EBF2: variants seen among roughly 807,000 people sequenced by gnomAD.
EBF2 encodes the protein transcription factor COE2.
Under a neutral mutation model 72.8 loss-of-function variants are expected in EBF2, and 21 were observed. That is an observed-to-expected ratio of 0.29 (90% CI 0.20 to 0.42). The LOEUF (loss-of-function observed/expected upper bound fraction) is 0.42. EBF2 is among the 10% of genes least tolerant of loss of function. The pLI is 1.00. For synonymous variants in EBF2, 299 were observed against 274.2 expected (o/e 1.09, Z -0.89); for missense variants, 637 against 731.2 (o/e 0.87, Z 1.49).
intron 5 of EBF2, among the ~76,000 whole-genome samples, chr8:26,034,215 T>G (rs1246178714): frequency 1.3e-5 from 2 of 152,338 alleles, no homozygotes; most frequent in South Asian, 2.1e-4. Context: ...TCAGATGATG[T>G]AGGAAGACCA....
chr8:26,022,538 T>C (rs1805220228), intron 6 of EBF2, among the ~76,000 whole-genome samples: 1 of 152,192 alleles, frequency 6.6e-6, no homozygotes, highest in Non-Finnish European at 1.5e-5. Flanking sequence ...TCCTGGCTAC[T>C]TAGGGGCTTT....
At chr8:26,039,010 C>T (rs1378672055) in intron 5 of EBF2, among the ~76,000 whole-genome samples, 2 of 152,102 alleles carry the variant, frequency 1.3e-5, no homozygotes, top group East Asian at 3.9e-4. Context: ...GACTTTCCCT[C>T]CAATCAAAGA....
chr8:26,029,862 C>T (rs759461908), intron 6 of EBF2, among the ~76,000 whole-genome samples: 4 of 152,188 alleles, frequency 2.6e-5, no homozygotes, highest in African/African-American at 9.6e-5. Context: ...CCCTGGATAC[C>T]GTAAGCACCA....
Position 25,841,792 on chromosome 8 carries a change from T to G in EBF2, c.*2817A>C, listed in dbSNP as rs1801748921. On this transcript the variant is annotated 3_prime_UTR_variant, in exon 16 of 16. Transcript: ENST00000520164. ...AAAGTTTAAAACTGAAGTAGACATA[T>G]TCATTTTACAAACAAGATATTCTTT... is the stretch of plus-strand genomic sequence containing the variant. 6.6e-6 allele frequency: 1 copy of G among 152,226 alleles called. No homozygotes were observed. Among genetic ancestry groups the G allele is most frequent in the South Asian group, 2.1e-4 (1 of 4,832 alleles). The allele number at this position is 152,226 out of a possible 1,614,324, so 9.4% of individuals were successfully genotyped here.
At chr8:25,882,404 G>C (rs1034794761) in intron 10 of EBF2, among the ~76,000 whole-genome samples, 1 of 152,160 alleles carries the variant, frequency 6.6e-6, no homozygotes, top group Admixed American at 6.5e-5. Context: ...CTCTATCCCA[G>C]GTGCTTTCCA....
chr8:25,988,297 A>T (rs58346229), intron 6 of EBF2, among the ~76,000 whole-genome samples: 13,743 of 152,268 alleles, frequency 0.09, 1,966 homozygotes, highest in African/African-American at 0.3. Flanking sequence ...ATTAGTCCCT[A>T]TGTCCCAGCC....
chr8:25,880,007 C>T (rs986809887), intron 10 of EBF2, among the ~76,000 whole-genome samples: 1 of 152,142 alleles, frequency 6.6e-6, no homozygotes, highest in Non-Finnish European at 1.5e-5. Flanking sequence ...GAATTTAACT[C>T]TTGATGTTCA....
Position 26,042,151 on chromosome 8 carries a change from C to A in EBF2, c.232G>T (p.Gly78Cys), listed in dbSNP as rs1159374949. The change falls in exon 2 of 16, where the codon GGC becomes TGC. Residue 78 changes from glycine (G) to cysteine (C), a missense_variant. By Grantham distance (159) the Gly-to-Cys change is radical. Around this residue, in one of 3 missense-constraint regions of EBF2, gnomAD observed 174 missense variants for 161.9 expected, o/e 1.07. Coordinates refer to ENST00000520164, the MANE Select transcript of EBF2 (RefSeq NM_022659.4). ...HFVLALYDRQGQPVEIERTAF... is the reference protein window; with the variant it reads ...HFVLALYDRQCQPVEIERTAF... ...GTCCGCTCGATCTCCACCGGCTGGC[C>A]CTGCCTGTCATAGAGCGCCAGGACG... is the stretch of plus-strand genomic sequence containing the variant. 1.2e-6 allele frequency: 2 copies of A among 1,614,130 alleles called. No homozygotes were observed. The highest frequency in any genetic ancestry group is 1.7e-6 in the Non-Finnish European group (2 of 1,180,028).
intron 15 of EBF2, 146 bp from the exon 16 acceptor site, chr8:25,844,786 C>T (rs1801799153): frequency 3.7e-5 from 38 of 1,027,826 alleles, no homozygotes; most frequent in Non-Finnish European, 5.2e-5. Flanking sequence ...AGGACCTGTT[C>T]TCCAGGTTTG....
intron 6 of EBF2, among the ~76,000 whole-genome samples, chr8:26,024,400 G>A: frequency 6.6e-6 from 1 of 152,132 alleles, no homozygotes; most frequent in Non-Finnish European, 1.5e-5. Flanking sequence ...TAATGGGAAA[G>A]CTTTCTGTTT....
intron 4 of EBF2, 58 bp downstream of exon 4, chr8:26,040,558 G>C (rs1017058265): frequency 2.2e-5 from 33 of 1,517,298 alleles, no homozygotes; most frequent in Non-Finnish European, 2.9e-5. Context: ...ACAAACTGGG[G>C]GGTTTGGGGG....
chr8:25,986,020 A>AAAAAAAAAAAAAAG (rs1563200314), intron 6 of EBF2, among the ~76,000 whole-genome samples: 1 of 149,710 alleles, frequency 6.7e-6, no homozygotes, highest in Non-Finnish European at 1.5e-5. Flanking sequence ...AAAAAAAAAA[A>AAAAAAAAAAAAAAG]AAAAAGTACA....
chr8:25,924,914 G>T (rs1803361882), intron 6 of EBF2, among the ~76,000 whole-genome samples: 1 of 152,190 alleles, frequency 6.6e-6, no homozygotes, highest in Non-Finnish European at 1.5e-5. Flanking sequence ...ACCCACTGGT[G>T]CCCAGAAACA....
intron 6 of EBF2, among the ~76,000 whole-genome samples, chr8:26,025,484 A>T (rs531442130): frequency 1.3e-5 from 2 of 152,146 alleles, no homozygotes; most frequent in East Asian, 3.9e-4. Context: ...ATTTGCATCA[A>T]ATCCTAAAAC....
rs920205465 is a variant in EBF2 at position 25,843,969 on chromosome 8, G to A, written c.*640C>T. 6.6e-6 allele frequency: 1 copy of A among 151,960 alleles called. No individual in the cohort carries two copies. Among genetic ancestry groups the A allele is most frequent in the Non-Finnish European group, 1.5e-5 (1 of 67,984 alleles). The allele number at this position is 151,960 out of a possible 1,614,324, so 9.4% of individuals were successfully genotyped here. A position where few individuals can be genotyped will look rare whatever the true frequency, so the allele number is the denominator to read the frequency against. On this transcript the variant is annotated 3_prime_UTR_variant, in exon 16 of 16. Transcript: ENST00000520164. ...GAAATCCCTCTCTCTTCCAAAAAAA[G>A]GTCTTAATTTCTACCTCTACTTACA...
Position 26,044,030 on chromosome 8 carries a change from T to C in EBF2, c.131+699A>G, listed in dbSNP as rs1392172090. Among the ~76,000 whole-genome samples the C allele has an allele frequency of 6.6e-6, 1 of 152,232 alleles. No homozygotes were observed. Among genetic ancestry groups the C allele is most frequent in the East Asian group, 1.9e-4 (1 of 5,194 alleles). ...GCTGCTGGTGGCCTTTTCTCGCCTC[T>C]TTCTTCTTCCGCAACTCTTTCTACT... On this transcript the variant is annotated intron_variant, in intron 1 of 15. Transcript: ENST00000520164. The surrounding 1 kb of genome is among the most constrained non-coding windows in gnomAD (Gnocchi z 4.1).
chr8:25,977,016 C>T (rs1455995162), intron 6 of EBF2, among the ~76,000 whole-genome samples: 1 of 152,206 alleles, frequency 6.6e-6, no homozygotes, highest in African/African-American at 2.4e-5. Context: ...CAGTGACAAG[C>T]TTCAGTCTCA....
chr8:25,971,632 C>G (rs1238246110), intron 6 of EBF2, among the ~76,000 whole-genome samples: 1 of 152,074 alleles, frequency 6.6e-6, no homozygotes, highest in Non-Finnish European at 1.5e-5. Context: ...TAGGTTAATG[C>G]TTGTCACACT....
intron 6 of EBF2, among the ~76,000 whole-genome samples, chr8:25,953,389 T>C (rs971239926): frequency 9.2e-5 from 14 of 152,326 alleles, no homozygotes; most frequent in East Asian, 1.9e-4. Flanking sequence ...TAGGCTTTTA[T>C]TGCATTTAAT....
Sources: gnomAD v4.1 joint callset for allele counts (sites outside exome capture counted in the v4.1 genomes callset) on GRCh38, gnomAD v4.1.1 for gene constraint, gnomAD v4.1.1 regional missense constraint, Gnocchi (gnomAD v3.1) non-coding constraint, MANE v1.5 for transcripts, NCBI Gene and HGNC (gene_info 2026-07-23, HGNC 2026-07-21) for gene names.